Variants in ZBED4 observed in about 807,000 individuals in gnomAD.
ZBED4 encodes the protein zinc finger BED-type containing 4, also known as zinc finger BED domain-containing protein 4.
Under a neutral mutation model 15.5 loss-of-function variants are expected in ZBED4, and 4 were observed. The ratio of observed to expected loss-of-function variants is 0.26; its 90% confidence interval spans 0.13 to 0.59. The LOEUF is 0.59. ZBED4 is among the 20% of genes least tolerant of loss of function. ZBED4 has a pLI of 0.90. For missense variants in ZBED4, 1,323 were observed against 1,461.8 expected, an observed-to-expected ratio of 0.91 and a Z score of 1.55; for synonymous variants, 692 against 608.5, an observed-to-expected ratio of 1.14 and a Z score of -2.02.
chr22:49,856,467 G>C (rs1407632582), intron 1 of ZBED4, among the ~76,000 whole-genome samples: 1 of 152,228 alleles, frequency 6.6e-6, no homozygotes, highest in African/African-American at 2.4e-5. Context: ...GGGCGATGGC[G>C]GAAGCCCCAG....
Position 49,886,478 on chromosome 22 carries a change from C to T in ZBED4, c.2816C>T (p.Pro939Leu). ...CAGTCCGTGTGCCGTGCGCTAAAGC[C>T]CTTCGAGGCTGCGAGCCGGGAGATG... ...VMQSVCRALK[P>L]FEAASREMST... Residue 939 changes from proline (P) to leucine (L), a missense_variant, in exon 2 of 2, where the codon CCC (proline) becomes CTC (leucine). This residue lies in a region of ZBED4 where 312 missense variants were observed against 410.7 expected (regional missense o/e 0.76). Coordinates refer to ENST00000216268, the MANE Select transcript of ZBED4 (RefSeq NM_014838.3). The surrounding 1 kb of genome is among the most constrained non-coding windows in gnomAD (Gnocchi z 7.7). 6.4e-7 allele frequency: 1 copy of T among 1,570,152 alleles called. No homozygotes were observed. Among genetic ancestry groups the T allele is most frequent in the South Asian group, 1.2e-5 (1 of 84,310 alleles).
At chr22:49,879,286 C>T (rs935803674) in intron 1 of ZBED4, among the ~76,000 whole-genome samples, 3 of 150,856 alleles carry the variant, frequency 2.0e-5, no homozygotes, top group East Asian at 2.0e-4. Flanking sequence ...CACCACGCCG[C>T]GCTAATTTTT....
At position 49,885,543 on chromosome 22, in the gene ZBED4, C is replaced by G. The variant is rs1190973515; in HGVS notation, c.1881C>G (p.Thr627=). The G allele has an allele frequency of 1.2e-6, 2 of 1,606,318 alleles. No individual in the cohort carries two copies. The highest frequency in any genetic ancestry group is 1.7e-6 in the Non-Finnish European group (2 of 1,173,528). The change falls in exon 2 of 2, where the codon ACC becomes ACG. Residue 627 remains threonine (T), a synonymous_variant. Coordinates refer to ENST00000216268, the MANE Select transcript of ZBED4 (RefSeq NM_014838.3). ...CGGCTCGGCCCTCCTCTCCGGACACCCGGGTGCCGCGGGGCACAGAATTAT... is the reference window on the plus strand; with the variant it reads ...CGGCTCGGCCCTCCTCTCCGGACACGCGGGTGCCGCGGGGCACAGAATTAT... The part of the protein sequence containing the change: ...SETARPSSPD[T]RVPRGTELSG...
At chr22:49,853,561 A>AG (rs2060260363), upstream of ZBED4, among the ~76,000 whole-genome samples, 1 of 152,182 alleles carries the variant, frequency 6.6e-6, no homozygotes, top group Admixed American at 6.5e-5. Context: ...GCCCAGCCAG[A>AG]GCGCCTAAGC....
At chr22:49,878,140 A>G (rs2060387732) in intron 1 of ZBED4, among the ~76,000 whole-genome samples, 1 of 152,082 alleles carries the variant, frequency 6.6e-6, no homozygotes, top group Non-Finnish European at 1.5e-5. Context: ...CACCGTCTCT[A>G]CTAAAAATAC....
At chr22:49,877,917 T>C (rs1386515371) in intron 1 of ZBED4, among the ~76,000 whole-genome samples, 1 of 152,208 alleles carries the variant, frequency 6.6e-6, no homozygotes, top group African/African-American at 2.4e-5. Flanking sequence ...TCTTTTGTTA[T>C]TGCTGCATAA....
intron 1 of ZBED4, among the ~76,000 whole-genome samples, chr22:49,861,952 G>A (rs1355849359): frequency 1.3e-5 from 2 of 152,106 alleles, no homozygotes; most frequent in Non-Finnish European, 2.9e-5. Context: ...AAGTTCCCCC[G>A]CACAGGCCTG....
Position 49,884,166 on chromosome 22 carries a change from G to A in ZBED4, c.504G>A (p.Val168=), listed in dbSNP as rs768717087. The A allele has an allele frequency of 6.2e-7, 1 of 1,612,690 alleles. No individual in the cohort carries two copies. Residue 168 remains valine (V), a synonymous_variant, in exon 2 of 2, where the codon GTG becomes GTA. Transcript: ENST00000216268. The part of the protein sequence containing the change: ...MRHVRRAHPT[V]LIQENGSVSA... ...ACGTGAGGCGCGCACACCCGACCGT[G>A]CTCATTCAGGAAAATGGCAGTGTGT... is the stretch of plus-strand genomic sequence containing the variant.
intron 1 of ZBED4, among the ~76,000 whole-genome samples, chr22:49,873,549 A>G (rs1302832639): frequency 1.3e-5 from 2 of 152,238 alleles, no homozygotes; most frequent in Non-Finnish European, 2.9e-5. Flanking sequence ...CAGAATTACC[A>G]AAATGTGACA....
At chr22:49,878,241 G>A (rs1192103166) in intron 1 of ZBED4, among the ~76,000 whole-genome samples, 1 of 143,438 alleles carries the variant, frequency 7.0e-6, no homozygotes, top group Non-Finnish European at 1.5e-5. Context: ...GGAGGCGGAG[G>A]TTACAGTGAG....
upstream of ZBED4, chr22:49,853,197 C>A (rs1254359555): frequency 6.6e-6 from 1 of 152,318 alleles, no homozygotes; most frequent in Non-Finnish European, 1.5e-5. Context: ...ACATTTCCTT[C>A]AGACCCTGAG....
At chr22:49,874,671 C>A (rs77616427) in intron 1 of ZBED4, among the ~76,000 whole-genome samples, 1 of 17,840 alleles carries the variant, frequency 5.6e-5, no homozygotes, top group Non-Finnish European at 1.5e-4. Flanking sequence ...CCATGCCCAG[C>A]CTTTTTTTTT....
intron 1 of ZBED4, among the ~76,000 whole-genome samples, chr22:49,876,979 G>A (rs186397933): frequency 2.2e-4 from 33 of 152,280 alleles, no homozygotes; most frequent in African/African-American, 7.7e-4. Flanking sequence ...TGATTCAGAT[G>A]ACTCTGATGT....
At chr22:49,868,356 G>T (rs1031416707) in intron 1 of ZBED4, among the ~76,000 whole-genome samples, 6 of 152,188 alleles carry the variant, frequency 3.9e-5, no homozygotes, top group African/African-American at 1.4e-4. Context: ...GAGGCTGGTG[G>T]ATCACCCAGG....
In ZBED4 at chr22:49,884,325, A is replaced by T; in HGVS notation, c.663A>T (p.Arg221=). 1 of 1,613,844 alleles carries T rather than the reference A, an allele frequency of 6.2e-7. No homozygotes were observed. The highest frequency in any genetic ancestry group is 8.5e-7 in the Non-Finnish European group (1 of 1,179,824). Residue 221 remains arginine (R), a synonymous_variant, in exon 2 of 2, where the codon CGA becomes CGT. Coordinates refer to ENST00000216268, the MANE Select transcript of ZBED4 (RefSeq NM_014838.3). ...CGTCTAAGATCCCGTCCCCCGATCGAATAACAGAGGAGTCTGTGTCTGTAG... is the reference window on the plus strand; with the variant it reads ...CGTCTAAGATCCCGTCCCCCGATCGTATAACAGAGGAGTCTGTGTCTGTAG... ...KVASKIPSPD[R]ITEESVSVVS...
intron 1 of ZBED4, among the ~76,000 whole-genome samples, chr22:49,879,003 G>A (rs559972426): frequency 6.6e-6 from 1 of 151,320 alleles, no homozygotes; most frequent in Non-Finnish European, 1.5e-5. Context: ...AAATTAGCCG[G>A]GTGTGGTGGC....
chr22:49,869,907 C>T lies in ZBED4; in HGVS notation c.-329-13427C>T, dbSNP rs537313972. On this transcript the variant is annotated intron_variant, in intron 1 of 1. Coordinates refer to ENST00000216268, the MANE Select transcript of ZBED4 (RefSeq NM_014838.3). ...CTGAGTTTGGGATAAGAATGATCGT[C>T]GCCCAGATCGTGAGCATGGTACTCA... Among the ~76,000 whole-genome samples the T allele has an allele frequency of 2.0e-5, 3 of 152,306 alleles. No individual in the cohort carries two copies. The South Asian group carries it at 6.2e-4, about 32-fold the overall frequency.
At chr22:49,860,171 T>C (rs1278931828) in intron 1 of ZBED4, among the ~76,000 whole-genome samples, 12 of 151,820 alleles carry the variant, frequency 7.9e-5, no homozygotes, top group South Asian at 2.1e-4. Flanking sequence ...TGATGGTATG[T>C]GCCTGGAGTT....
Position 49,859,159 on chromosome 22 carries a change from T to C in ZBED4, c.-330+5170T>C, listed in dbSNP as rs76485749. ...GTGGCACCTTGGCTTTAGTATGCTGTTGTTCTTTTTTTCTTTATTTTTGTC... is the reference window on the plus strand; with the variant it reads ...GTGGCACCTTGGCTTTAGTATGCTGCTGTTCTTTTTTTCTTTATTTTTGTC... On this transcript the variant is annotated intron_variant, in intron 1 of 1. Transcript: ENST00000216268. Among the ~76,000 whole-genome samples the C allele has an allele frequency of 2.2e-3, 340 of 152,232 alleles. 1 individual carries two copies. The highest frequency in any genetic ancestry group is 7.9e-3 in the African/African-American group (327 of 41,558).
Sources: gnomAD v4.1 joint callset for allele counts (sites outside exome capture counted in the v4.1 genomes callset) on GRCh38, gnomAD v4.1.1 for gene constraint, gnomAD v4.1.1 regional missense constraint, Gnocchi (gnomAD v3.1) non-coding constraint, MANE v1.5 for transcripts, NCBI Gene and HGNC (gene_info 2026-07-23, HGNC 2026-07-21) for gene names.